CERS3: variants seen among roughly 807,000 people sequenced by gnomAD.
CERS3 encodes LAG1 homolog, ceramide synthase 3.
In CERS3, 33 loss-of-function variants were observed where a neutral mutation model predicts 50.3. The ratio of observed to expected loss-of-function variants is 0.66; its 90% confidence interval spans 0.50 to 0.88. CERS3 has a LOEUF of 0.88. Ranked by LOEUF, CERS3 falls within the 40% of genes least tolerant of loss-of-function variation. The pLI, the probability that CERS3 is intolerant of heterozygous loss-of-function variation, is 0.00. For missense variants in CERS3, 470 were observed against 460.3 expected (o/e 1.02, Z -0.19); for synonymous variants, 176 against 155.2 (o/e 1.13, Z -0.99).
rs2030619617 is a variant in CERS3 at position 100,402,464 on chromosome 15, G to A, written c.*249C>T. On this transcript the variant is annotated 3_prime_UTR_variant, in exon 12 of 12. Coordinates refer to ENST00000679737, the MANE Select transcript of CERS3 (RefSeq NM_001378789.1). ...AGGGAGTGCAATTAGAACTGAGACG[G>A]TTCTGTGGAGAAATCTTTGAAATCT... 1 of 492,776 alleles carries A rather than the reference G, an allele frequency of 2.0e-6. No homozygotes were observed. 30.5% of individuals were successfully genotyped at this position (492,776 alleles called of 1,614,324 possible).
intron 3 of CERS3, 51 bp downstream of exon 3, chr15:100,501,626 G>C (rs922237869): frequency 6.9e-7 from 1 of 1,459,440 alleles, no homozygotes; most frequent in African/African-American, 1.4e-5. Flanking sequence ...TATTATTCTA[G>C]TGTTAGAGCA....
chr15:100,529,717 C>T (rs2036891917), upstream of CERS3, among the ~76,000 whole-genome samples: 4 of 152,166 alleles, frequency 2.6e-5, no homozygotes, highest in South Asian at 8.3e-4. Flanking sequence ...CAACTCTGGG[C>T]TTGGATTATT....
chr15:100,452,111 T>G (rs1366776921), intron 11 of CERS3, among the ~76,000 whole-genome samples: 3 of 150,548 alleles, frequency 2.0e-5, no homozygotes, highest in African/African-American at 5.0e-5. Flanking sequence ...TAAACTGCAC[T>G]TTATGCCAAA....
chr15:100,464,853 A>G (rs569352277), intron 10 of CERS3, among the ~76,000 whole-genome samples: 4 of 152,302 alleles, frequency 2.6e-5, no homozygotes, highest in South Asian at 2.1e-4. Flanking sequence ...GCCTAATGTT[A>G]ATGAAACAAT....
chr15:100,418,045 C>G (rs2032099483), intron 11 of CERS3, among the ~76,000 whole-genome samples: 1 of 152,078 alleles, frequency 6.6e-6, no homozygotes, highest in African/African-American at 2.4e-5. Context: ...CAAAGGAATG[C>G]AGTTCCTCAC....
chr15:100,448,438 A>G (rs2034025423), intron 11 of CERS3, among the ~76,000 whole-genome samples: 2 of 152,196 alleles, frequency 1.3e-5, no homozygotes, highest in African/African-American at 2.4e-5. Flanking sequence ...CCACATTCCC[A>G]TCATGGACTC....
chr15:100,483,787 A>ATTTTTAT (rs1555530339), intron 5 of CERS3, among the ~76,000 whole-genome samples: 1 of 100,040 alleles, frequency 1.0e-5, no homozygotes, highest in African/African-American at 3.8e-5. Flanking sequence ...TATTATTATT[A>ATTTTTAT]TTTTTTTTTT....
At chr15:100,508,281 G>A (rs1273388442) in intron 2 of CERS3, among the ~76,000 whole-genome samples, 1 of 152,010 alleles carries the variant, frequency 6.6e-6, no homozygotes, top group African/African-American at 2.4e-5. Flanking sequence ...CTTCCTGTTG[G>A]AAATGTGATA....
intron 11 of CERS3, among the ~76,000 whole-genome samples, chr15:100,414,289 C>T (rs2031722030): frequency 6.6e-6 from 1 of 152,266 alleles, no homozygotes; most frequent in South Asian, 2.1e-4. Context: ...AAAACACAAA[C>T]AAATGGAAAA....
chr15:100,501,363 T>G (rs544603810), intron 3 of CERS3, among the ~76,000 whole-genome samples: 1 of 152,204 alleles, frequency 6.6e-6, no homozygotes, highest in Non-Finnish European at 1.5e-5. Context: ...CGTGGAAGAG[T>G]AGATGAACTG....
intron 3 of CERS3, among the ~76,000 whole-genome samples, chr15:100,493,770 G>A (rs2142306649): frequency 6.6e-6 from 1 of 152,080 alleles, no homozygotes; most frequent in Admixed American, 6.5e-5. Context: ...ATGCTATTGA[G>A]CCTCTCTCAT....
upstream of CERS3, among the ~76,000 whole-genome samples, chr15:100,529,986 AAG>A (rs2036899042): frequency 6.6e-6 from 1 of 152,242 alleles, no homozygotes; most frequent in African/African-American, 2.4e-5. Flanking sequence ...ATTTAGTTCA[AAG>A]AGAGAGGATT....
chr15:100,414,986 G>T (rs896317502), intron 11 of CERS3, among the ~76,000 whole-genome samples: 1 of 152,064 alleles, frequency 6.6e-6, no homozygotes, highest in Non-Finnish European at 1.5e-5. Context: ...ACTATAACGA[G>T]AGTTAACAGG....
chr15:100,517,825 G>A (rs2036534605), intron 2 of CERS3, among the ~76,000 whole-genome samples: 1 of 152,172 alleles, frequency 6.6e-6, no homozygotes, highest in Non-Finnish European at 1.5e-5. Flanking sequence ...GTTTACAGGA[G>A]AGGCAGGGAA....
intron 10 of CERS3, among the ~76,000 whole-genome samples, chr15:100,463,406 G>A (rs1241904588): frequency 1.7e-5 from 2 of 119,446 alleles, no homozygotes; most frequent in Middle Eastern, 7.4e-3. Flanking sequence ...CTGTACTCCA[G>A]CCTGGCAACA....
intron 10 of CERS3, among the ~76,000 whole-genome samples, chr15:100,459,733 C>T (rs1189374212): frequency 6.6e-6 from 1 of 152,166 alleles, no homozygotes. Context: ...TATATTCTTG[C>T]ACCCAATATA....
rs115115901 is a variant in CERS3 at position 100,414,984 on chromosome 15, G to A, written c.1000-12119C>T. On this transcript the variant is annotated intron_variant, in intron 11 of 11. Transcript: ENST00000679737. The stretch of plus-strand genomic sequence containing the variant: ...TCTGCACAGCAAAAGAAACTATAAC[G>A]AGAGTTAACAGGCAACCTACAGAAT... Among the ~76,000 whole-genome samples, 544 of 152,092 alleles carry A rather than the reference G, an allele frequency of 3.6e-3. 7 individuals are homozygous for A. The highest frequency in any genetic ancestry group is 0.012 in the African/African-American group (518 of 41,520).
chr15:100,483,860 A>C (rs916584978), intron 5 of CERS3, among the ~76,000 whole-genome samples: 11 of 141,392 alleles, frequency 7.8e-5, no homozygotes, highest in Non-Finnish European at 1.5e-4. Flanking sequence ...GGCTCACTGC[A>C]AGCTCCGCCT....
rs867584559 is a variant in CERS3 at position 100,436,152 on chromosome 15, A to G, written c.999+19741T>C. Among the ~76,000 whole-genome samples, 17 of 152,340 alleles carry G rather than the reference A, an allele frequency of 1.1e-4. No homozygotes were observed. In the Middle Eastern group the frequency reaches 0.01, roughly 91 times the overall value. ...TACCCAAAGGATTATAAATAATTCT[A>G]CTATAAAGACACATGCATACATATG... is the stretch of plus-strand genomic sequence containing the variant. On this transcript the variant is annotated intron_variant, in intron 11 of 11. Coordinates refer to ENST00000679737, the MANE Select transcript of CERS3 (RefSeq NM_001378789.1).
Sources: allele counts gnomAD v4.1 joint callset (sites outside exome capture counted in the v4.1 genomes callset), GRCh38; gene constraint gnomAD v4.1.1; transcripts MANE v1.5; gene names NCBI Gene and HGNC (gene_info 2026-07-23, HGNC 2026-07-21).